ENAH: variants seen among roughly 807,000 people sequenced by gnomAD.
The protein encoded by ENAH is protein enabled homolog.
A neutral mutation model predicts 78.7 loss-of-function variants in ENAH; 23 were observed. The observed-to-expected ratio is 0.29, with a 90% CI of 0.21 to 0.41. The LOEUF (loss-of-function observed/expected upper bound fraction) is 0.41. ENAH is among the 10% of genes least tolerant of loss of function. The probability of loss-of-function intolerance (pLI) is 1.00; values close to 1 mark genes in which losing one functional copy is unlikely to be tolerated. For missense variants in ENAH, 544 were observed against 691.0 expected, an observed-to-expected ratio of 0.79 and a Z score of 2.39; for synonymous variants, 226 against 241.0, an observed-to-expected ratio of 0.94 and a Z score of 0.58.
At position 225,565,873 on chromosome 1, in the gene ENAH, C is replaced by T. The variant is rs578028448; in HGVS notation, c.171+1376G>A. On this transcript the variant is annotated intron_variant, in intron 2 of 13. Transcript: ENST00000366843. ...AGACTAAGGAGGGAAAAGAAGAGGG[C>T]GGGGCACAGGGGAGAGACAGACAGA... Among the ~76,000 whole-genome samples, 90 of 152,060 alleles carry T rather than the reference C, an allele frequency of 5.9e-4. No individual in the cohort carries two copies. In the South Asian group the frequency reaches 0.01, roughly 17 times the overall value.
chr1:225,517,392 A>G (rs1244153038), intron 5 of ENAH, 86 bp from the exon 6 acceptor site: 7 of 1,551,786 alleles, frequency 4.5e-6, no homozygotes, highest in Non-Finnish European at 6.1e-6. Flanking sequence ...CTTGAGATCC[A>G]CAGTGTGAGA....
chr1:225,651,475 C>A (rs985306699), intron 1 of ENAH, among the ~76,000 whole-genome samples: 5 of 152,082 alleles, frequency 3.3e-5, no homozygotes, highest in Non-Finnish European at 5.9e-5. Flanking sequence ...CATTTTCTTG[C>A]CAAAGCGAAG....
intron 4 of ENAH, among the ~76,000 whole-genome samples, chr1:225,528,145 T>A (rs977639718): frequency 6.6e-6 from 1 of 152,202 alleles, no homozygotes; most frequent in African/African-American, 2.4e-5. Flanking sequence ...GAAATTTTAT[T>A]GAGGTTTCTA....
At chr1:225,500,920 AAG>A in intron 12 of ENAH, 70 bp downstream of exon 12, 1 of 1,340,222 alleles carries the variant, frequency 7.5e-7, no homozygotes, top group Non-Finnish European at 1.1e-6. Context: ...ATCCATGTCA[AAG>A]ATATGCATAT....
At chr1:225,602,950 G>C (rs565062973) in intron 1 of ENAH, among the ~76,000 whole-genome samples, 2 of 151,770 alleles carry the variant, frequency 1.3e-5, no homozygotes, top group South Asian at 2.1e-4. Flanking sequence ...CTAAAATAAA[G>C]GCTAACCAAC....
intron 4 of ENAH, among the ~76,000 whole-genome samples, chr1:225,520,294 C>CAA (rs534721683): frequency 7.0e-5 from 7 of 99,292 alleles, no homozygotes; most frequent in Admixed American, 2.0e-4. Context: ...GACTCCACCT[C>CAA]AAAAAAAAAA....
chr1:225,548,340 A>G (rs1426969321), intron 3 of ENAH, among the ~76,000 whole-genome samples: 8 of 152,180 alleles, frequency 5.3e-5, no homozygotes, highest in African/African-American at 1.9e-4. Context: ...ATTAGGAAAT[A>G]GCTTTAGAGA....
In ENAH at chr1:225,554,479, C is replaced by A. The variant is rs116420265; in HGVS notation, c.349+427G>T. On this transcript the variant is annotated intron_variant, in intron 3 of 13. Transcript: ENST00000366843. ...TTACCTACTGGGAAGGAGACCCAGT[C>A]CTACTTCAAGTCCATGCTTTGAAAA... 5.3e-5 allele frequency among the ~76,000 whole-genome samples: 8 copies of A among 152,196 alleles called. No individual in the cohort carries two copies. The East Asian group carries it at 1.4e-3, about 26-fold the overall frequency.
intron 1 of ENAH, among the ~76,000 whole-genome samples, chr1:225,629,251 C>G (rs2148335624): frequency 6.6e-6 from 1 of 151,828 alleles, no homozygotes. Context: ...GCACTTCAGC[C>G]TGGGTGACAG....
chr1:225,554,810 C>T (rs2151425050), intron 3 of ENAH, 96 bp downstream of exon 3: 3 of 1,052,430 alleles, frequency 2.9e-6, no homozygotes, highest in Non-Finnish European at 4.0e-6. Context: ...TTTTAACATA[C>T]ACATGGCACT....
intron 12 of ENAH, among the ~76,000 whole-genome samples, chr1:225,500,682 A>C (rs1181284295): frequency 6.6e-6 from 1 of 152,204 alleles, no homozygotes; most frequent in African/African-American, 2.4e-5. Context: ...TTGCCAAGAC[A>C]GTCACTGAAA....
chr1:225,571,241 C>T (rs916685205), intron 1 of ENAH, among the ~76,000 whole-genome samples: 2 of 151,936 alleles, frequency 1.3e-5, no homozygotes, highest in African/African-American at 2.4e-5. Context: ...GGCATGGTGA[C>T]GTGCACCTGT....
intron 2 of ENAH, among the ~76,000 whole-genome samples, chr1:225,557,607 C>T (rs1006091468): frequency 3.9e-5 from 6 of 152,060 alleles, no homozygotes; most frequent in Admixed American, 1.3e-4. Flanking sequence ...GATCACTTGA[C>T]GTCAGGAGTT....
chr1:225,619,129 T>C (rs1290661763), intron 1 of ENAH, among the ~76,000 whole-genome samples: 2 of 152,178 alleles, frequency 1.3e-5, no homozygotes, highest in Non-Finnish European at 2.9e-5. Flanking sequence ...AGACACTAAA[T>C]GTTTCATGAA....
At chr1:225,646,318 C>A (rs531664984) in intron 1 of ENAH, among the ~76,000 whole-genome samples, 8 of 152,140 alleles carry the variant, frequency 5.3e-5, no homozygotes, top group African/African-American at 1.9e-4. Flanking sequence ...AGCACAGGGC[C>A]CTAATTCAAT....
intron 1 of ENAH, among the ~76,000 whole-genome samples, chr1:225,597,804 C>A (rs1274150237): frequency 6.6e-6 from 1 of 152,068 alleles, no homozygotes; most frequent in African/African-American, 2.4e-5. Context: ...ATAGATGATG[C>A]ATAAGGCCTA....
At chr1:225,596,688 A>G (rs943317122) in intron 1 of ENAH, among the ~76,000 whole-genome samples, 3 of 152,224 alleles carry the variant, frequency 2.0e-5, no homozygotes. Context: ...AATCCATTGT[A>G]ATGTTTCTAT....
intron 1 of ENAH, among the ~76,000 whole-genome samples, chr1:225,614,081 T>TG (rs1384445695): frequency 1.3e-5 from 2 of 151,578 alleles, no homozygotes; most frequent in Non-Finnish European, 2.9e-5. Context: ...TTTTTTGAGA[T>TG]GGAGTCTCAT....
intron 3 of ENAH, among the ~76,000 whole-genome samples, chr1:225,539,960 T>C (rs2096581568): frequency 1.3e-5 from 2 of 152,198 alleles, no homozygotes; most frequent in Non-Finnish European, 2.9e-5. Context: ...TCAGGTTTTA[T>C]TGTATATGCT....
Sources: allele counts gnomAD v4.1 joint callset (sites outside exome capture counted in the v4.1 genomes callset), GRCh38; gene constraint gnomAD v4.1.1; transcripts MANE v1.5; gene names NCBI Gene and HGNC (gene_info 2026-07-23, HGNC 2026-07-21).